The following ZNF676 variants were observed in gnomAD, a reference collection of about 807,000 sequenced individuals.
The protein encoded by ZNF676 is zinc finger protein 676.
In ZNF676, 4 loss-of-function variants were observed where a neutral mutation model predicts 6.0. That is an observed-to-expected ratio of 0.67 (90% CI 0.33 to 1.53). The LOEUF (loss-of-function observed/expected upper bound fraction) is 1.53, where lower values mean the gene tolerates loss of function less well. Among genes scored for constraint, ZNF676 ranks in the 40% most tolerant of loss-of-function variants. The probability of loss-of-function intolerance (pLI) is 0.06; values close to 1 mark genes in which losing one functional copy is unlikely to be tolerated. For missense variants in ZNF676, 644 were observed against 679.7 expected, an observed-to-expected ratio of 0.95 and a Z score of 0.58; for synonymous variants, 198 against 223.1, an observed-to-expected ratio of 0.89 and a Z score of 1.00.
At position 22,180,517 on chromosome 19, in the gene ZNF676, T is replaced by C. The variant is rs200261079; in HGVS notation, c.1200A>G (p.Lys400=). Residue 400 remains lysine, a synonymous_variant, in exon 3 of 3, where the codon AAA becomes AAG. Coordinates refer to ENST00000397121, the MANE Select transcript of ZNF676 (RefSeq NM_001001411.3). ...TGAGCTTTGAGGATGAGTTGGAAGCTTTGCCACATTCTTCACATTTGTAGG... is the reference window on the plus strand; with the variant it reads ...TGAGCTTTGAGGATGAGTTGGAAGCCTTGCCACATTCTTCACATTTGTAGG... ...EKPYKCEECG[K]ASNSSSKLME... is the part of the protein sequence containing the mutation. The C allele has an allele frequency of 6.2e-7, 1 of 1,610,764 alleles. No individual in the cohort carries two copies. Among genetic ancestry groups the C allele is most frequent in the Non-Finnish European group, 8.5e-7 (1 of 1,179,630 alleles).
rs777680685 is a variant in ZNF676 at position 22,180,562 on chromosome 19, T to A, written c.1155A>T (p.Ala385=). The A allele has an allele frequency of 1.1e-5, 17 of 1,612,710 alleles. No homozygotes were observed. The highest frequency in any genetic ancestry group is 1.4e-5 in the Non-Finnish European group (17 of 1,179,724). The change falls in exon 3 of 3, where the codon GCA becomes GCT. Residue 385 remains alanine (A), a synonymous_variant. Transcript: ENST00000397121. ...SKVSTLNTHK[A]IHAEEKPYKC... Reference sequence around the variant, plus strand: ...TGTAGGGCTTCTCTTCAGCATGAATTGCCTTATGTGTATTAAGGGTTGAGA... The same window carrying A: ...TGTAGGGCTTCTCTTCAGCATGAATAGCCTTATGTGTATTAAGGGTTGAGA...
At chr19:22,247,202 T>C in the ZNF676 span, among the ~76,000 whole-genome samples, 6 of 152,066 alleles carry the variant, frequency 3.9e-5, no homozygotes, top group East Asian at 1.9e-4. Flanking sequence ...CTAAGACATA[T>C]TGGGTTAAAG....
At chr19:22,206,809 T>C (rs183363028) in intron 1 of ZNF676, among the ~76,000 whole-genome samples, 99 of 152,314 alleles carry the variant, frequency 6.5e-4, no homozygotes, top group Middle Eastern at 6.8e-3. Context: ...AATCAATAAA[T>C]GTGATTCATC....
chr19:22,236,087 T>A, the ZNF676 span, among the ~76,000 whole-genome samples: 1 of 151,804 alleles, frequency 6.6e-6, no homozygotes, highest in Non-Finnish European at 1.5e-5. Flanking sequence ...TGCGTCTTTT[T>A]AGTCCTTAAT....
intron 1 of ZNF676, among the ~76,000 whole-genome samples, chr19:22,210,390 T>C (rs1568535769): frequency 6.6e-6 from 1 of 152,120 alleles, no homozygotes; most frequent in Non-Finnish European, 1.5e-5. Context: ...ACCTACTGTT[T>C]AAAAAGTGGG....
the ZNF676 span, among the ~76,000 whole-genome samples, chr19:22,247,843 T>C: frequency 6.6e-6 from 1 of 152,122 alleles, no homozygotes; most frequent in African/African-American, 2.4e-5. Context: ...GGAGCTTCTA[T>C]TCTCCTCAAA....
chr19:22,181,915 T>C (rs2023760569), intron 2 of ZNF676, among the ~76,000 whole-genome samples: 1 of 149,550 alleles, frequency 6.7e-6, no homozygotes, highest in Admixed American at 6.7e-5. Flanking sequence ...CAGAAGCAAA[T>C]TGTCCATTTC....
chr19:22,220,908 G>A, the ZNF676 span, among the ~76,000 whole-genome samples: 1 of 152,198 alleles, frequency 6.6e-6, no homozygotes, highest in East Asian at 1.9e-4. Context: ...AAAGGTATTC[G>A]TAGCAGCTTT....
At chr19:22,183,294 T>C (rs1350333621) in intron 2 of ZNF676, among the ~76,000 whole-genome samples, 1 of 152,140 alleles carries the variant, frequency 6.6e-6, no homozygotes, top group Non-Finnish European at 1.5e-5. Flanking sequence ...TATTTAAATA[T>C]ACGGAAAATT....
chr19:22,200,722 T>C (rs1004068679), upstream of ZNF676, among the ~76,000 whole-genome samples: 1 of 151,970 alleles, frequency 6.6e-6, no homozygotes, highest in Non-Finnish European at 1.5e-5. Flanking sequence ...TTCAATATTA[T>C]TCAATATGGT....
At chr19:22,194,110 C>T (rs747663150) in intron 1 of ZNF676, among the ~76,000 whole-genome samples, 44 of 152,148 alleles carry the variant, frequency 2.9e-4, no homozygotes, top group Non-Finnish European at 3.8e-4. Context: ...CAATAATTAA[C>T]ATTCCCAGAT....
chr19:22,180,130 T>A lies in ZNF676; in HGVS notation c.1587A>T (p.Gly529=). ...ILTEHKIIHT[G]EKPYKCEECG... ...ATTCTTCACATTTGTAGGGTTTCTC[T>A]CCAGTATGAATTATCTTATGTTCAG... Residue 529 remains glycine, a synonymous_variant, in exon 3 of 3, where the codon GGA becomes GGT. Transcript: ENST00000397121. 1 of 1,613,852 alleles carries A rather than the reference T, an allele frequency of 6.2e-7. No homozygotes were observed. The highest frequency in any genetic ancestry group is 8.5e-7 in the Non-Finnish European group (1 of 1,179,946).
rs1366703338 is a variant in ZNF676 at position 22,181,170 on chromosome 19, T to G, written c.547A>C (p.Thr183Pro). Residue 183 changes from threonine (T) to proline (P), a missense_variant, in exon 3 of 3, where the codon ACC (threonine) becomes CCC (proline). Around this residue, in one of 5 missense-constraint regions of ZNF676, gnomAD observed 280 missense variants for 269.3 expected, o/e 1.04. Coordinates refer to ENST00000397121, the MANE Select transcript of ZNF676 (RefSeq NM_001001411.3). The part of the protein sequence containing the change: ...ENGKAFNWSS[T>P]LTYYKSIHTG... ...TGAATACTCTTATAATAAGTAAGGG[T>G]TGAGGACCAGTTAAAAGCTTTGCCA... 1 of 1,613,994 alleles carries G rather than the reference T, an allele frequency of 6.2e-7. No individual in the cohort carries two copies. Among genetic ancestry groups the G allele is most frequent in the Admixed American group, 1.7e-5 (1 of 59,998 alleles).
At chr19:22,226,787 C>T in the ZNF676 span, among the ~76,000 whole-genome samples, 6 of 151,810 alleles carry the variant, frequency 4.0e-5, no homozygotes, top group South Asian at 2.1e-4. Context: ...TTAGTAGAGA[C>T]GAGGTTTCAC....
chr19:22,197,838 T>A (rs917067164), upstream of ZNF676, among the ~76,000 whole-genome samples: 22 of 152,344 alleles, frequency 1.4e-4, no homozygotes, highest in Middle Eastern at 3.4e-3. Flanking sequence ...CACATTTTTT[T>A]AATGTCCTGA....
chr19:22,230,375 T>C, the ZNF676 span, among the ~76,000 whole-genome samples: 2 of 152,028 alleles, frequency 1.3e-5, no homozygotes, highest in Non-Finnish European at 2.9e-5. Context: ...AGATGAATAG[T>C]ATTAGAAGAA....
the ZNF676 span, among the ~76,000 whole-genome samples, chr19:22,224,252 G>C: frequency 6.7e-6 from 1 of 149,124 alleles, no homozygotes; most frequent in African/African-American, 2.5e-5. Flanking sequence ...GTGCTTTTTA[G>C]CGTCAGTTTC....
At chr19:22,253,446 A>G in the ZNF676 span, among the ~76,000 whole-genome samples, 2 of 121,648 alleles carry the variant, frequency 1.6e-5, no homozygotes, top group African/African-American at 2.9e-5. Flanking sequence ...GATAATGTGT[A>G]TATATATATG....
chr19:22,187,722 T>C (rs1444387473), intron 2 of ZNF676, among the ~76,000 whole-genome samples: 1 of 151,686 alleles, frequency 6.6e-6, no homozygotes, highest in Non-Finnish European at 1.5e-5. Context: ...CAAACTACCA[T>C]GAGAGAATAC....
Sources: allele counts gnomAD v4.1 joint callset (sites outside exome capture counted in the v4.1 genomes callset), GRCh38; gene constraint gnomAD v4.1.1; regional missense constraint gnomAD v4.1.1; transcripts MANE v1.5; gene names NCBI Gene and HGNC (gene_info 2026-07-23, HGNC 2026-07-21).